UBAC2: variants seen among roughly 807,000 people sequenced by gnomAD.
The protein encoded by UBAC2 is ubiquitin-associated domain-containing protein 2.
Under a neutral mutation model 44.0 loss-of-function variants are expected in UBAC2, and 26 were observed. The observed-to-expected ratio is 0.59, with a 90% CI of 0.43 to 0.82. The LOEUF (loss-of-function observed/expected upper bound fraction) is 0.82. Among genes scored for constraint, UBAC2 ranks in the 40% least tolerant of loss-of-function variants. UBAC2 has a pLI of 0.00. For missense variants in UBAC2, 329 were observed against 419.4 expected, an observed-to-expected ratio of 0.78 and a Z score of 1.88; for synonymous variants, 155 against 154.3, an observed-to-expected ratio of 1.00 and a Z score of -0.04.
chr13:99,288,947 T>C (rs1473528974), intron 4 of UBAC2, among the ~76,000 whole-genome samples: 1 of 152,220 alleles, frequency 6.6e-6, no homozygotes, highest in Non-Finnish European at 1.5e-5. Context: ...AAAGCTAGTG[T>C]CTCTTCCCCA....
intron 1 of UBAC2, chr13:99,215,723 C>T (rs1566450496): frequency 7.4e-6 from 11 of 1,492,604 alleles, no homozygotes; most frequent in Non-Finnish European, 9.9e-6. Context: ...TTGTCTTGGC[C>T]TTTCCGGAGT....
chr13:99,290,447 C>T (rs1448189854), intron 4 of UBAC2, among the ~76,000 whole-genome samples: 1 of 151,944 alleles, frequency 6.6e-6, no homozygotes. Context: ...CAGGCAAGGC[C>T]GGGCGCAGTG....
At position 99,295,479 on chromosome 13, in the gene UBAC2, G is replaced by C. The variant is rs1313964402; in HGVS notation, c.390-18618G>C. On this transcript the variant is annotated intron_variant, in intron 4 of 8. Transcript: ENST00000403766. The surrounding 1 kb of genome is among the most constrained non-coding windows in gnomAD (Gnocchi z 4.1). The stretch of plus-strand genomic sequence containing the variant: ...GGGTTTTGTTTGGCAGTTCTGAAGA[G>C]TTTGCAGCAGATCTGAGAATAGCAG... 1 of 1,613,982 alleles carries C rather than the reference G, an allele frequency of 6.2e-7. No homozygotes were observed. Among genetic ancestry groups the C allele is most frequent in the Non-Finnish European group, 8.5e-7 (1 of 1,180,010 alleles).
intron 1 of UBAC2, among the ~76,000 whole-genome samples, chr13:99,202,382 A>C (rs146136441): frequency 6.0e-4 from 91 of 152,350 alleles, no homozygotes; most frequent in Non-Finnish European, 9.0e-4. Flanking sequence ...TGACAGTTCA[A>C]GAAGGCAATG....
intron 4 of UBAC2, chr13:99,308,634 C>G (rs1387526494): frequency 6.6e-6 from 1 of 152,200 alleles, no homozygotes; most frequent in Non-Finnish European, 1.5e-5. Context: ...AGAAGCCTTT[C>G]TGCTCCAGGA....
intron 6 of UBAC2, among the ~76,000 whole-genome samples, chr13:99,318,943 A>G (rs1456725334): frequency 6.6e-6 from 1 of 151,754 alleles, no homozygotes; most frequent in East Asian, 1.9e-4. Flanking sequence ...TTTTTAAATC[A>G]TAGAAAAAAA....
chr13:99,366,819 T>G (rs532863263), intron 7 of UBAC2, among the ~76,000 whole-genome samples: 1 of 152,326 alleles, frequency 6.6e-6, no homozygotes. Flanking sequence ...GCTCACAGTG[T>G]GCGGCTCTGC....
At chr13:99,368,686 A>AGTGTGT (rs1284291833) in intron 8 of UBAC2, among the ~76,000 whole-genome samples, 21 of 82,594 alleles carry the variant, frequency 2.5e-4, no homozygotes, top group Admixed American at 5.4e-4. Flanking sequence ...AACTCATGAG[A>AGTGTGT]GAGTGTGTGT....
chr13:99,371,708 A>G (rs868743002), intron 8 of UBAC2, among the ~76,000 whole-genome samples: 2 of 152,324 alleles, frequency 1.3e-5, no homozygotes, highest in South Asian at 4.1e-4. Flanking sequence ...GCATTAAGAA[A>G]CTTAGTAATT....
chr13:99,248,458 T>G (rs145485385), intron 4 of UBAC2, among the ~76,000 whole-genome samples: 2,362 of 151,706 alleles, frequency 0.016, 67 homozygotes, highest in African/African-American at 0.054. Flanking sequence ...ATGGCGTGAT[T>G]TCTGCTCACT....
At position 99,385,247 on chromosome 13, in the gene UBAC2, T is replaced by A; in HGVS notation, c.947T>A (p.Met316Lys). The change falls in exon 9 of 9, where the codon ATG (methionine) becomes AAG (lysine). Residue 316 changes from methionine to lysine, a missense_variant. Met to Lys is a moderately conservative substitution (Grantham distance 95, BLOSUM62 -1). Coordinates refer to ENST00000403766, the MANE Select transcript of UBAC2 (RefSeq NM_001144072.2). ...SEEQVARLME[M>K]GFSRGDALEA... Reference sequence around the variant, plus strand: ...CTGCAGGTCGCCCGGCTCATGGAGATGGGATTTTCCAGAGGTGATGCTTTG... The same window carrying A: ...CTGCAGGTCGCCCGGCTCATGGAGAAGGGATTTTCCAGAGGTGATGCTTTG... 1.9e-6 allele frequency: 3 copies of A among 1,614,152 alleles called. No individual in the cohort carries two copies. The highest frequency in any genetic ancestry group is 2.5e-6 in the Non-Finnish European group (3 of 1,180,002).
intron 4 of UBAC2, among the ~76,000 whole-genome samples, chr13:99,312,432 TC>T (rs2044424151): frequency 6.6e-6 from 1 of 152,230 alleles, no homozygotes; most frequent in African/African-American, 2.4e-5. Flanking sequence ...ACCACTCTAC[TC>T]ATTCATATTA....
At chr13:99,348,647 T>C (rs1412293930) in intron 7 of UBAC2, among the ~76,000 whole-genome samples, 1 of 152,238 alleles carries the variant, frequency 6.6e-6, no homozygotes, top group Non-Finnish European at 1.5e-5. Flanking sequence ...TGAGGCCTTT[T>C]AAACAGGAGA....
chr13:99,202,909 C>G (rs1353773248), intron 1 of UBAC2, among the ~76,000 whole-genome samples: 2 of 152,124 alleles, frequency 1.3e-5, no homozygotes, highest in Non-Finnish European at 2.9e-5. Flanking sequence ...ACAGTGCTGA[C>G]GGAGCTTAGG....
At chr13:99,240,393 G>T (rs1344068815) in intron 2 of UBAC2, among the ~76,000 whole-genome samples, 1 of 152,130 alleles carries the variant, frequency 6.6e-6, no homozygotes, top group Non-Finnish European at 1.5e-5. Context: ...AAAAAATGGG[G>T]TTCTAGAAAT....
intron 6 of UBAC2, among the ~76,000 whole-genome samples, chr13:99,340,079 A>T (rs891498128): frequency 2.6e-5 from 4 of 152,374 alleles, no homozygotes; most frequent in African/African-American, 9.6e-5. Flanking sequence ...CTAAATGATT[A>T]GAATTTTGCT....
chr13:99,337,914 G>C (rs1251573803), intron 6 of UBAC2, among the ~76,000 whole-genome samples: 5 of 151,806 alleles, frequency 3.3e-5, no homozygotes, highest in Non-Finnish European at 7.4e-5. Context: ...GGGGTATCTA[G>C]TCTTTTGAAC....
intron 6 of UBAC2, among the ~76,000 whole-genome samples, chr13:99,339,624 C>G (rs2044853296): frequency 6.9e-6 from 1 of 145,618 alleles, no homozygotes; most frequent in Non-Finnish European, 1.5e-5. Flanking sequence ...TCCTAAGAAT[C>G]AAATTCACAT....
At chr13:99,238,697 C>T in intron 2 of UBAC2, 143 bp downstream of exon 2, 1 of 749,982 alleles carries the variant, frequency 1.3e-6, no homozygotes, top group African/African-American at 1.8e-5. Context: ...CATTAAGTAA[C>T]TTTTCTAGTT....
Sources: allele counts gnomAD v4.1 joint callset (sites outside exome capture counted in the v4.1 genomes callset), GRCh38; gene constraint gnomAD v4.1.1; non-coding constraint Gnocchi (gnomAD v3.1); transcripts MANE v1.5; gene names NCBI Gene and HGNC (gene_info 2026-07-23, HGNC 2026-07-21).